Variants in TLN2 observed in about 807,000 individuals in gnomAD.
TLN2 encodes the protein talin 2, also known as talin-2.
A neutral mutation model predicts 294.7 loss-of-function variants in TLN2; 118 were observed. The ratio of observed to expected loss-of-function variants is 0.40; its 90% CI spans 0.34 to 0.47. The LOEUF is 0.47. Ranked by LOEUF, TLN2 falls within the 20% of genes least tolerant of loss-of-function variation. TLN2 has a pLI of 0.84. For missense variants in TLN2, 3,083 were observed against 3,282.2 expected, an observed-to-expected ratio of 0.94 and a Z score of 1.48; for synonymous variants, 1,431 against 1,304.5, an observed-to-expected ratio of 1.10 and a Z score of -2.09.
intron 41 of TLN2, among the ~76,000 whole-genome samples, chr15:62,770,276 G>A (rs1371259927): frequency 2.0e-5 from 3 of 152,220 alleles, no homozygotes; most frequent in Admixed American, 6.5e-5. Context: ...GGGTGCGCCC[G>A]CTAGATGTTT....
chr15:62,534,773 C>T (rs1555424794), intron 1 of TLN2, among the ~76,000 whole-genome samples: 1 of 152,176 alleles, frequency 6.6e-6, no homozygotes, highest in Non-Finnish European at 1.5e-5. Context: ...CTTACTAGCA[C>T]ACAAAGGCAC....
At position 62,694,201 on chromosome 15, in the gene TLN2, T is replaced by C. The variant is rs1053595318; in HGVS notation, c.1216-115T>C. 3.8e-6 allele frequency: 3 copies of C among 797,386 alleles called. No homozygotes were observed. In the African/African-American group the frequency reaches 5.1e-5, roughly 14 times the overall value. The allele number at this position is 797,386 out of a possible 1,614,324, so 49.4% of individuals were successfully genotyped here. A position where few individuals can be genotyped will look rare whatever the true frequency, so the allele number is the denominator to read the frequency against. The stretch of plus-strand genomic sequence containing the variant: ...TGTGTTGACCAGGTTTGTCTCGAAC[T>C]CCTGACCTCAAGTGATCCGCCCGTC... On this transcript the variant is annotated intron_variant, in intron 13 of 58. Coordinates refer to ENST00000636159, the MANE Select transcript of TLN2 (RefSeq NM_015059.3).
chr15:62,701,920 G>T lies in TLN2; in HGVS notation c.1697-72G>T, dbSNP rs77172755. 799 of 1,547,930 alleles carry T rather than the reference G, an allele frequency of 5.2e-4. 7 individuals are homozygous for T. The East Asian group carries it at 0.015, about 29-fold the overall frequency. On this transcript the variant is annotated intron_variant, in intron 17 of 58. Coordinates refer to ENST00000636159, the MANE Select transcript of TLN2 (RefSeq NM_015059.3). ...GATGGTAGGTGAGGAACTCCTGCCA[G>T]TGTGGGGTTTTGAAAATTCTCACCA... is the stretch of plus-strand genomic sequence containing the variant.
At chr15:62,553,846 G>T (rs997087420) in intron 1 of TLN2, among the ~76,000 whole-genome samples, 2 of 151,948 alleles carry the variant, frequency 1.3e-5, no homozygotes, top group African/African-American at 2.4e-5. Context: ...AAGTTGTCAA[G>T]AGAAATTATA....
intron 1 of TLN2, among the ~76,000 whole-genome samples, chr15:62,531,501 GT>G (rs2041041566): frequency 6.6e-6 from 1 of 152,158 alleles, no homozygotes; most frequent in Non-Finnish European, 1.5e-5. Flanking sequence ...GTGTGGTGAA[GT>G]GAATATAGTA....
At chr15:62,777,631 A>G (rs183953342) in intron 43 of TLN2, among the ~76,000 whole-genome samples, 13 of 152,136 alleles carry the variant, frequency 8.5e-5, no homozygotes, top group Non-Finnish European at 1.8e-4. Flanking sequence ...TCCACCCCCA[A>G]CCCACTCAAT....
intron 1 of TLN2, among the ~76,000 whole-genome samples, chr15:62,492,816 A>T (rs920381389): frequency 1.3e-5 from 2 of 152,212 alleles, no homozygotes; most frequent in Non-Finnish European, 2.9e-5. Flanking sequence ...TTCTACCATA[A>T]CAGATTCCAC....
intron 3 of TLN2, among the ~76,000 whole-genome samples, chr15:62,644,025 A>C (rs2051501371): frequency 6.6e-6 from 1 of 151,970 alleles, no homozygotes; most frequent in South Asian, 2.1e-4. Context: ...AAAAGCATAA[A>C]TCTGAGCTAC....
Position 62,651,902 on chromosome 15 carries a change from T to C in TLN2, c.235-103T>C, listed in dbSNP as rs567121449. 16 of 1,317,782 alleles carry C rather than the reference T, an allele frequency of 1.2e-5. No individual in the cohort carries two copies. In the East Asian group the frequency reaches 3.6e-4, roughly 30 times the overall value. The allele number at this position is 1,317,782 out of a possible 1,614,324, so 81.6% of individuals were successfully genotyped here. On this transcript the variant is annotated intron_variant, in intron 5 of 58. Coordinates refer to ENST00000636159, the MANE Select transcript of TLN2 (RefSeq NM_015059.3). ...TTTTAGAAGAAAGGGAAAATCAGAG[T>C]CTACTCTGATTTTTTTAAAATTCAT...
chr15:62,743,666 A>C (rs571925373), intron 32 of TLN2, among the ~76,000 whole-genome samples: 3 of 152,252 alleles, frequency 2.0e-5, no homozygotes, highest in South Asian at 2.1e-4. Context: ...GGGGCTGGTC[A>C]GGTGCCCCCT....
At chr15:62,535,696 T>C (rs2041308030) in intron 1 of TLN2, among the ~76,000 whole-genome samples, 1 of 151,952 alleles carries the variant, frequency 6.6e-6, no homozygotes. Context: ...GATGGGATTA[T>C]GGGTGCCTGC....
At chr15:62,576,412 C>T (rs1384076352) in intron 1 of TLN2, among the ~76,000 whole-genome samples, 3 of 151,836 alleles carry the variant, frequency 2.0e-5, no homozygotes, top group Non-Finnish European at 2.9e-5. Flanking sequence ...AGCAGTGGAC[C>T]CTCAGGGGTT....
At chr15:62,596,923 T>C (rs1444926172) in intron 2 of TLN2, among the ~76,000 whole-genome samples, 1 of 152,188 alleles carries the variant, frequency 6.6e-6, no homozygotes, top group Non-Finnish European at 1.5e-5. Flanking sequence ...TTGCTTCTTT[T>C]ACGGGGGCTT....
intron 23 of TLN2, among the ~76,000 whole-genome samples, chr15:62,716,797 C>G (rs2059802703): frequency 6.6e-6 from 1 of 151,902 alleles, no homozygotes; most frequent in Non-Finnish European, 1.5e-5. Flanking sequence ...TCAGGGCTTC[C>G]CATAGGAAAT....
chr15:62,839,236 A>G lies in TLN2; in HGVS notation c.7500+255A>G, dbSNP rs75676557. ...ACTTTCCATGTGGCAGGAAGAGGGA[A>G]AGGAGGGGAGGCCATGACCGTAAGC... is the stretch of plus-strand genomic sequence containing the variant. On this transcript the variant is annotated intron_variant, in intron 58 of 58. Transcript: ENST00000636159. 2.6e-3 allele frequency among the ~76,000 whole-genome samples: 394 copies of G among 152,276 alleles called. 1 individual carries two copies. Among genetic ancestry groups the G allele is most frequent in the East Asian group, 0.018 (93 of 5,172 alleles).
chr15:62,459,551 A>C (rs1284014527), intron 1 of TLN2, among the ~76,000 whole-genome samples: 1 of 152,064 alleles, frequency 6.6e-6, no homozygotes, highest in African/African-American at 2.4e-5. Flanking sequence ...TGTGTGTATG[A>C]GTGTGTGAAT....
intron 1 of TLN2, among the ~76,000 whole-genome samples, chr15:62,452,460 C>T (rs2036214127): frequency 6.6e-6 from 1 of 152,164 alleles, no homozygotes; most frequent in African/African-American, 2.4e-5. Flanking sequence ...ATAAACATAA[C>T]ACGAAATTTA....
intron 28 of TLN2, among the ~76,000 whole-genome samples, chr15:62,730,117 TTCCTGGGTTCAAGCAATTC>T (rs1199510557): frequency 1.4e-5 from 2 of 147,992 alleles, no homozygotes; most frequent in Admixed American, 1.4e-4. Flanking sequence ...CAACCTCTGC[TTCCTGGGTTCAAGCAATTC>T]TCCTGCCTCA....
Position 62,706,131 on chromosome 15 carries a change from A to C in TLN2, c.2005-955A>C, listed in dbSNP as rs150572269. 5.9e-5 allele frequency among the ~76,000 whole-genome samples: 9 copies of C among 152,370 alleles called. No individual in the cohort carries two copies. In the East Asian group the frequency reaches 1.7e-3, roughly 29 times the overall value. On this transcript the variant is annotated intron_variant, in intron 19 of 58. Transcript: ENST00000636159. Reference sequence around the variant, plus strand: ...TCTGATGAATTAATAAAGACTTCTGACCGTATTTCCTTGAAGGGAAAAGCC... The same window carrying C: ...TCTGATGAATTAATAAAGACTTCTGCCCGTATTTCCTTGAAGGGAAAAGCC...
Sources: gnomAD v4.1 joint callset for allele counts (sites outside exome capture counted in the v4.1 genomes callset) on GRCh38, gnomAD v4.1.1 for gene constraint, MANE v1.5 for transcripts, NCBI Gene and HGNC (gene_info 2026-07-23, HGNC 2026-07-21) for gene names.